Variants in AUH observed in about 807,000 individuals in gnomAD.
AUH encodes the protein AU RNA binding methylglutaconyl-CoA hydratase.
Under a neutral mutation model 42.3 loss-of-function variants are expected in AUH, and 29 were observed. The ratio of observed to expected loss-of-function variants is 0.69; its 90% CI spans 0.51 to 0.93. The LOEUF (loss-of-function observed/expected upper bound fraction) is 0.93. AUH is among the 40% of genes least tolerant of loss of function. The probability of loss-of-function intolerance (pLI) is 0.00; values close to 1 mark genes in which losing one functional copy is unlikely to be tolerated. For synonymous variants in AUH, 174 were observed against 166.4 expected (o/e 1.05, Z -0.35); for missense variants, 452 against 438.1 (o/e 1.03, Z -0.28).
chr9:91,353,996 G>A (rs796409995), intron 3 of AUH, among the ~76,000 whole-genome samples: 10 of 150,868 alleles, frequency 6.6e-5, no homozygotes, highest in African/African-American at 2.2e-4. Context: ...TTGAAACCCC[G>A]TCTCTAGCAA....
chr9:91,292,348 G>A (rs541060321), intron 6 of AUH, among the ~76,000 whole-genome samples: 7 of 147,512 alleles, frequency 4.7e-5, no homozygotes, highest in African/African-American at 1.5e-4. Context: ...GTGTGATCTC[G>A]GCTCACTGCA....
At chr9:91,286,823 C>A (rs1826451512) in intron 6 of AUH, among the ~76,000 whole-genome samples, 1 of 151,474 alleles carries the variant, frequency 6.6e-6, no homozygotes, top group South Asian at 2.1e-4. Context: ...CCAAAGTACA[C>A]AAACTTTAGA....
At chr9:91,334,449 G>A (rs939732064) in intron 3 of AUH, among the ~76,000 whole-genome samples, 6 of 152,136 alleles carry the variant, frequency 3.9e-5, no homozygotes, top group African/African-American at 1.4e-4. Flanking sequence ...GCTAGAGTTG[G>A]GACATCTCAT....
intron 6 of AUH, among the ~76,000 whole-genome samples, chr9:91,228,904 C>G (rs536611182): frequency 1.3e-5 from 2 of 152,296 alleles, no homozygotes; most frequent in Non-Finnish European, 2.9e-5. Context: ...TTTGATTGCA[C>G]TGTGGTCTGA....
intron 6 of AUH, among the ~76,000 whole-genome samples, chr9:91,254,174 C>T (rs756070295): frequency 4.6e-5 from 7 of 152,196 alleles, no homozygotes; most frequent in Non-Finnish European, 1.0e-4. Context: ...TGAAGAATAT[C>T]TCTGGATGGT....
At chr9:91,218,993 A>G in intron 7 of AUH, 1 of 985,422 alleles carries the variant, frequency 1.0e-6, no homozygotes, top group Non-Finnish European at 1.2e-6. Context: ...CAACATTCTG[A>G]AGGAGTGTCC....
chr9:91,275,052 T>A (rs1564055738), intron 6 of AUH, among the ~76,000 whole-genome samples: 1 of 152,184 alleles, frequency 6.6e-6, no homozygotes, highest in Non-Finnish European at 1.5e-5. Context: ...TAAGTTACAG[T>A]AACAATGATG....
At chr9:91,332,275 G>T (rs1178719124) in intron 3 of AUH, among the ~76,000 whole-genome samples, 2 of 152,212 alleles carry the variant, frequency 1.3e-5, no homozygotes, top group Non-Finnish European at 2.9e-5. Flanking sequence ...GCTGAGGCAG[G>T]CAGATCACTT....
intron 6 of AUH, among the ~76,000 whole-genome samples, chr9:91,224,411 C>T (rs1353524896): frequency 6.6e-6 from 1 of 152,086 alleles, no homozygotes; most frequent in Non-Finnish European, 1.5e-5. Flanking sequence ...CATGGGTTGC[C>T]TTTTCACTCT....
chr9:91,346,508 T>C (rs6479335), intron 3 of AUH, among the ~76,000 whole-genome samples: 16,963 of 152,160 alleles, frequency 0.11, 1,062 homozygotes, highest in African/African-American at 0.16. Context: ...TATAATAAAC[T>C]GGTAATAGTA....
Position 91,231,560 on chromosome 9 carries a change from C to T in AUH, c.656-10568G>A, listed in dbSNP as rs373432631. Reference sequence around the variant, plus strand: ...GCTGTAGACCGGAGCTGTTCCTATTCGGTCATCTAAAGTGCCACTTCTAAA... The same window carrying T: ...GCTGTAGACCGGAGCTGTTCCTATTTGGTCATCTAAAGTGCCACTTCTAAA... On this transcript the variant is annotated intron_variant, in intron 6 of 9. Transcript: ENST00000375731. Among the ~76,000 whole-genome samples the T allele has an allele frequency of 2.5e-4, 38 of 152,254 alleles. No individual in the cohort carries two copies. The East Asian group carries it at 5.4e-3, about 22-fold the overall frequency.
At chr9:91,229,625 G>A (rs1827745119) in intron 6 of AUH, among the ~76,000 whole-genome samples, 1 of 151,654 alleles carries the variant, frequency 6.6e-6, no homozygotes, top group Admixed American at 6.6e-5. Flanking sequence ...TTTGCTCGTT[G>A]GTTGATGCAG....
At chr9:91,233,047 G>A (rs995165431) in intron 6 of AUH, among the ~76,000 whole-genome samples, 1 of 152,132 alleles carries the variant, frequency 6.6e-6, no homozygotes, top group South Asian at 2.1e-4. Flanking sequence ...CACTATGGAG[G>A]GACCCTGTTT....
intron 5 of AUH, among the ~76,000 whole-genome samples, chr9:91,296,589 T>C (rs554992663): frequency 6.6e-6 from 1 of 152,322 alleles, no homozygotes; most frequent in African/African-American, 2.4e-5. Flanking sequence ...TTCATGTCTG[T>C]TTTCATGGCT....
intron 6 of AUH, among the ~76,000 whole-genome samples, chr9:91,233,793 A>G (rs116210316): frequency 0.025 from 3,779 of 152,302 alleles, 71 homozygotes; most frequent in East Asian, 0.058. Context: ...GTATAAGGTT[A>G]CAATGGCCTT....
chr9:91,328,016 A>T (rs370259278), intron 3 of AUH, among the ~76,000 whole-genome samples: 25 of 152,310 alleles, frequency 1.6e-4, no homozygotes, highest in East Asian at 1.2e-3. Context: ...CCAGGCCAAG[A>T]GGGTGGAGTA....
chr9:91,264,799 C>A (rs1829884891), intron 6 of AUH, among the ~76,000 whole-genome samples: 1 of 152,118 alleles, frequency 6.6e-6, no homozygotes, highest in Non-Finnish European at 1.5e-5. Flanking sequence ...CTTTTCTAGG[C>A]CTTGCACATC....
At chr9:91,299,757 T>C (rs1827638200) in intron 4 of AUH, among the ~76,000 whole-genome samples, 1 of 152,126 alleles carries the variant, frequency 6.6e-6, no homozygotes, top group Non-Finnish European at 1.5e-5. Flanking sequence ...CTACTACAAG[T>C]AGAATGTAAT....
At chr9:91,306,185 A>T in intron 4 of AUH, 1 of 204,466 alleles carries the variant, frequency 4.9e-6, no homozygotes, top group Non-Finnish European at 8.6e-6. Flanking sequence ...ATAGGCTATT[A>T]AAATAAAAAG....
Sources: gnomAD v4.1 joint callset for allele counts (sites outside exome capture counted in the v4.1 genomes callset) on GRCh38, gnomAD v4.1.1 for gene constraint, MANE v1.5 for transcripts, NCBI Gene and HGNC (gene_info 2026-07-23, HGNC 2026-07-21) for gene names.